The following EXD3 variants were observed in gnomAD, a reference collection of about 807,000 sequenced individuals.
EXD3 encodes the protein exonuclease 3'-5' domain containing 3.
In EXD3, 92 loss-of-function variants were observed where a neutral mutation model predicts 98.0. The ratio of observed to expected loss-of-function variants is 0.94; its 90% confidence interval spans 0.79 to 1.12. EXD3 has a LOEUF of 1.12. EXD3 is among the 50% of genes most tolerant of loss of function. The pLI, the probability that EXD3 is intolerant of heterozygous loss-of-function variation, is 0.00. For missense variants in EXD3, 1,222 were observed against 1,191.6 expected (o/e 1.03, Z -0.38); for synonymous variants, 569 against 526.0 (o/e 1.08, Z -1.12).
intron 1 of EXD3, among the ~76,000 whole-genome samples, chr9:137,416,532 C>G (rs1311625072): frequency 6.6e-6 from 1 of 151,968 alleles, no homozygotes; most frequent in Admixed American, 6.5e-5. Flanking sequence ...CGGAACCTCG[C>G]TGGTCCCCGG....
chr9:137,403,464 G>A lies in EXD3; in HGVS notation c.-47-8060C>T, dbSNP rs144203389. Reference sequence around the variant, plus strand: ...CAGCACACCCTGGCCCAGGGTCTCCGAGGGTCGGGGGCCGCAGGGTCTGGC... The same window carrying A: ...CAGCACACCCTGGCCCAGGGTCTCCAAGGGTCGGGGGCCGCAGGGTCTGGC... On this transcript the variant is annotated intron_variant, in intron 1 of 21. Coordinates refer to ENST00000340951, the MANE Select transcript of EXD3 (RefSeq NM_017820.5). The surrounding 1 kb of genome is among the most constrained non-coding windows in gnomAD (Gnocchi z 6.1). Among the ~76,000 whole-genome samples the A allele has an allele frequency of 8.8e-3, 1,339 of 152,056 alleles. 9 individuals carry two copies. Among genetic ancestry groups the A allele is most frequent in the Non-Finnish European group, 0.015 (990 of 67,972 alleles).
intron 20 of EXD3, among the ~76,000 whole-genome samples, chr9:137,309,406 G>A (rs1044316183): frequency 2.0e-5 from 3 of 152,196 alleles, no homozygotes; most frequent in African/African-American, 7.2e-5. Flanking sequence ...GGGAGCAGAG[G>A]CCATCTGGGT....
intron 1 of EXD3, among the ~76,000 whole-genome samples, chr9:137,420,717 G>C (rs1838469962): frequency 6.8e-6 from 1 of 147,702 alleles, no homozygotes; most frequent in Admixed American, 6.9e-5. Context: ...GATAGTTTGG[G>C]ACCTGGAGGA....
Position 137,405,957 on chromosome 9 carries a change from C to T in EXD3, c.-47-10553G>A, listed in dbSNP as rs1266147554. ...GAAACTGGCTGGGCACGGTGGCTCA[C>T]GCCTGTAATCCCAGCCTTGTGGGAG... On this transcript the variant is annotated intron_variant, in intron 1 of 21. Coordinates refer to ENST00000340951, the MANE Select transcript of EXD3 (RefSeq NM_017820.5). This position sits in a 1 kb window ranked among gnomAD's most constrained non-coding sequence, Gnocchi z 4.1. Among the ~76,000 whole-genome samples, 4 of 152,192 alleles carry T rather than the reference C, an allele frequency of 2.6e-5. No individual in the cohort carries two copies. Among genetic ancestry groups the T allele is most frequent in the Non-Finnish European group, 4.4e-5 (3 of 68,044 alleles).
In EXD3 at chr9:137,371,188, C is replaced by T. The variant is rs941520044; in HGVS notation, c.462+1717G>A. ...CTTTGAAAGGCTCTGTAACAGAAGA[C>T]GGCCCGAAACACTAGCCTGCCTTCT... On this transcript the variant is annotated intron_variant, in intron 5 of 21. Coordinates refer to ENST00000340951, the MANE Select transcript of EXD3 (RefSeq NM_017820.5). The surrounding 1 kb of genome is among the most constrained non-coding windows in gnomAD (Gnocchi z 8.0). Among the ~76,000 whole-genome samples, 73 of 152,338 alleles carry T rather than the reference C, an allele frequency of 4.8e-4. No individual in the cohort carries two copies. The highest frequency in any genetic ancestry group is 6.8e-3 in the Middle Eastern group (2 of 294).
chr9:137,383,496 G>C lies in EXD3; in HGVS notation c.56-119C>G, dbSNP rs937002962. ...CCTGGGGCTCCTCTGGACCCGGGGG[G>C]CCGGGAACCCTCCCCCACCTCTGTC... On this transcript the variant is annotated intron_variant, in intron 2 of 21. Coordinates refer to ENST00000340951, the MANE Select transcript of EXD3 (RefSeq NM_017820.5). 7 of 713,526 alleles carry C rather than the reference G, an allele frequency of 9.8e-6. No individual in the cohort carries two copies. The African/African-American group carries it at 1.1e-4, about 11-fold the overall frequency. 44.2% of individuals were successfully genotyped at this position (713,526 alleles called of 1,614,324 possible). A position where few individuals can be genotyped will look rare whatever the true frequency, so the allele number is the denominator to read the frequency against.
Position 137,355,728 on chromosome 9 carries a change from A to C in EXD3, c.757+540T>G, listed in dbSNP as rs867723120. ...AGGAAGGAGGAAGGAGGAAGGAGGAAGGAGGACCTAGAAACACTGCAAAAT... is the reference window on the plus strand; with the variant it reads ...AGGAAGGAGGAAGGAGGAAGGAGGACGGAGGACCTAGAAACACTGCAAAAT... On this transcript the variant is annotated intron_variant, in intron 8 of 21. Transcript: ENST00000340951. Among the ~76,000 whole-genome samples the C allele has an allele frequency of 2.2e-3, 291 of 132,532 alleles. 7 individuals are homozygous for C. The highest frequency in any genetic ancestry group is 5.5e-3 in the African/African-American group (193 of 34,914). The allele number at this position is 132,532 out of a possible 152,430, so 86.9% of individuals were successfully genotyped here. A position where few individuals can be genotyped will look rare whatever the true frequency, so the allele number is the denominator to read the frequency against.
rs1405699962 is a variant in EXD3 at position 137,351,512 on chromosome 9, C to A, written c.1190G>T (p.Gly397Val). The A allele has an allele frequency of 6.3e-7, 1 of 1,591,478 alleles. No homozygotes were observed. Among genetic ancestry groups the A allele is most frequent in the African/African-American group, 1.3e-5 (1 of 74,444 alleles). The part of the protein sequence containing the change: ...GALLQCHQVV[G>V]VDVEWTPVFV... ...CACAGGTGTCCACTCCACGTCTACA[C>A]CAACCACTTGGTGGCACTGCGGGCA... Residue 397 changes from glycine (G) to valine (V), a missense_variant, in exon 13 of 22, where the codon GGT (glycine) becomes GTT (valine). Coordinates refer to ENST00000340951, the MANE Select transcript of EXD3 (RefSeq NM_017820.5).
chr9:137,386,572 T>C (rs1836600744), intron 2 of EXD3, among the ~76,000 whole-genome samples: 1 of 152,210 alleles, frequency 6.6e-6, no homozygotes, highest in South Asian at 2.1e-4. Flanking sequence ...GGCACAGCCC[T>C]AGCATCCTAC....
chr9:137,314,829 T>C (rs1320505568), intron 19 of EXD3, among the ~76,000 whole-genome samples: 1 of 151,632 alleles, frequency 6.6e-6, no homozygotes, highest in Non-Finnish European at 1.5e-5. Context: ...GGGCCCTGAG[T>C]GTGGGAGAGG....
In EXD3 at chr9:137,393,013, G is replaced by A. The variant is rs1225694241; in HGVS notation, c.55+2290C>T. ...AGGCTGTTCTCGGTGGGGGTGCCGT[G>A]TCTGTTCCAGGGAGGGCCATTAGTG... On this transcript the variant is annotated intron_variant, in intron 2 of 21. Transcript: ENST00000340951. The surrounding 1 kb of genome is among the most constrained non-coding windows in gnomAD (Gnocchi z 4.6). The A allele has an allele frequency of 4.9e-6, 3 of 607,724 alleles. No individual in the cohort carries two copies. Among genetic ancestry groups the A allele is most frequent in the African/African-American group, 4.6e-5 (2 of 43,700 alleles). The allele number at this position is 607,724 out of a possible 1,614,324, so 37.6% of individuals were successfully genotyped here. A position where few individuals can be genotyped will look rare whatever the true frequency, so the allele number is the denominator to read the frequency against.
rs1332376566 is a variant in EXD3, at chr9:137,400,062, A to C, written c.-47-4658T>G. ...AAAAAAAAAAAAGAAAATGAGGAAG[A>C]AGCAAAAGAGGAAACCTCTGATAAA... is the stretch of plus-strand genomic sequence containing the variant. On this transcript the variant is annotated intron_variant, in intron 1 of 21. Transcript: ENST00000340951. 2.0e-5 allele frequency among the ~76,000 whole-genome samples: 3 copies of C among 151,872 alleles called. No homozygotes were observed. The East Asian group carries it at 5.8e-4, about 29-fold the overall frequency.
chr9:137,355,314 GGGCT>G (rs529158739), intron 8 of EXD3, among the ~76,000 whole-genome samples: 199 of 152,224 alleles, frequency 1.3e-3, no homozygotes, highest in African/African-American at 4.0e-3. Flanking sequence ...TGGTGCTAAC[GGGCT>G]GGCTGGTCCT....
chr9:137,365,386 C>T (rs1835172108), intron 7 of EXD3: 2 of 153,106 alleles, frequency 1.3e-5, no homozygotes, highest in Admixed American at 1.3e-4. Context: ...GTGGATGGGC[C>T]CTGGAGCCTT....
At chr9:137,348,270 G>A in intron 16 of EXD3, 32 bp from the exon 17 acceptor site, 1 of 1,600,134 alleles carries the variant, frequency 6.2e-7, no homozygotes, top group South Asian at 1.1e-5. Context: ...CAGTCCCACG[G>A]TCACCCCCCA....
Position 137,403,590 on chromosome 9 carries a change from C to T in EXD3, c.-47-8186G>A, listed in dbSNP as rs562281057. Among the ~76,000 whole-genome samples the T allele has an allele frequency of 2.3e-5, 2 of 88,804 alleles. No individual in the cohort carries two copies. Among genetic ancestry groups the T allele is most frequent in the South Asian group, 5.7e-4 (2 of 3,520 alleles). 58.3% of individuals were successfully genotyped at this position (88,804 alleles called of 152,430 possible). ...CCCGAGCCCCCCAGTTTTCGCCTCT[C>T]TCCTTCTCTTTGCCCCTAAGGGGTT... On this transcript the variant is annotated intron_variant, in intron 1 of 21. Coordinates refer to ENST00000340951, the MANE Select transcript of EXD3 (RefSeq NM_017820.5). The surrounding 1 kb of genome is among the most constrained non-coding windows in gnomAD (Gnocchi z 6.1).
rs1837043310 is a variant in EXD3 at position 137,393,412 on chromosome 9, G to T, written c.55+1891C>A. Among the ~76,000 whole-genome samples the T allele has an allele frequency of 6.6e-6, 1 of 152,110 alleles. No homozygotes were observed. Among genetic ancestry groups the T allele is most frequent in the African/African-American group, 2.4e-5 (1 of 41,412 alleles). ...TGAACGGAAGGGTGAGGGGGTCTGG[G>T]CCCATCCCCAGAGGGGCAGGTGTGT... On this transcript the variant is annotated intron_variant, in intron 2 of 21. Transcript: ENST00000340951. The surrounding 1 kb of genome is among the most constrained non-coding windows in gnomAD (Gnocchi z 4.6).
intron 3 of EXD3, chr9:137,374,834 T>G (rs1835813611): frequency 1.0e-6 from 1 of 985,386 alleles, no homozygotes; most frequent in African/African-American, 1.7e-5. Flanking sequence ...TGAAGCAACT[T>G]GAAGGAGCTC....
At chr9:137,338,776 C>G (rs1463390486) in intron 17 of EXD3, among the ~76,000 whole-genome samples, 1 of 150,800 alleles carries the variant, frequency 6.6e-6, no homozygotes, top group African/African-American at 2.4e-5. Context: ...GCCTGTAGTC[C>G]CAGCTACTCG....
Sources: allele counts gnomAD v4.1 joint callset (sites outside exome capture counted in the v4.1 genomes callset), GRCh38; gene constraint gnomAD v4.1.1; non-coding constraint Gnocchi (gnomAD v3.1); transcripts MANE v1.5; gene names NCBI Gene and HGNC (gene_info 2026-07-23, HGNC 2026-07-21).